Variants in ITPR1 observed in about 807,000 individuals in gnomAD.
ITPR1 encodes inositol 1,4,5-trisphosphate-gated calcium channel ITPR1.
Under a neutral mutation model 318.4 loss-of-function variants are expected in ITPR1, and 96 were observed. The observed-to-expected ratio is 0.30, with a 90% CI of 0.26 to 0.36. The LOEUF (loss-of-function observed/expected upper bound fraction) is 0.36, where lower values mean the gene tolerates loss of function less well. Ranked by LOEUF, ITPR1 falls within the 10% of genes least tolerant of loss-of-function variation. ITPR1 has a pLI of 1.00. For missense variants in ITPR1, 2,440 were observed against 3,460.2 expected (o/e 0.71, Z 7.40); for synonymous variants, 1,312 against 1,289.9 (o/e 1.02, Z -0.37).
At chr3:4,589,632 G>A (rs1397655392) in intron 4 of ITPR1, among the ~76,000 whole-genome samples, 1 of 152,114 alleles carries the variant, frequency 6.6e-6, no homozygotes, top group Non-Finnish European at 1.5e-5. Flanking sequence ...CATGGCTGGA[G>A]CTGGAGTGGT....
intron 44 of ITPR1, among the ~76,000 whole-genome samples, chr3:4,742,606 G>A (rs1384030918): frequency 1.3e-5 from 2 of 152,108 alleles, no homozygotes; most frequent in African/African-American, 4.8e-5. Context: ...TCAAGATGAT[G>A]TGGTTCTTAT....
chr3:4,622,787 G>A (rs1388738949), intron 4 of ITPR1, among the ~76,000 whole-genome samples: 1 of 152,212 alleles, frequency 6.6e-6, no homozygotes, highest in Non-Finnish European at 1.5e-5. Flanking sequence ...GACTTCAGTG[G>A]ACATATCTGC....
chr3:4,752,198 A>G (rs1392413831), intron 44 of ITPR1, among the ~76,000 whole-genome samples: 1 of 152,098 alleles, frequency 6.6e-6, no homozygotes, highest in Non-Finnish European at 1.5e-5. Flanking sequence ...CCCTCACCAT[A>G]TGGTATTTGA....
At position 4,550,547 on chromosome 3, in the gene ITPR1, A is replaced by G. The variant is rs111599487; in HGVS notation, c.163+29453A>G. On this transcript the variant is annotated intron_variant, in intron 4 of 61. Transcript: ENST00000649015. ...AAAAATAGAAATTCCCTGAGAGCATAATTAGGCCAGTTATCTCCAAGTTAG... is the reference window on the plus strand; with the variant it reads ...AAAAATAGAAATTCCCTGAGAGCATGATTAGGCCAGTTATCTCCAAGTTAG... Among the ~76,000 whole-genome samples, 612 of 152,348 alleles carry G rather than the reference A, an allele frequency of 4.0e-3. 5 individuals are homozygous for G. Among genetic ancestry groups the G allele is most frequent in the African/African-American group, 0.014 (580 of 41,576 alleles).
At chr3:4,799,115 C>A (rs2125421268) in intron 53 of ITPR1, among the ~76,000 whole-genome samples, 1 of 152,342 alleles carries the variant, frequency 6.6e-6, no homozygotes, top group African/African-American at 2.4e-5. Flanking sequence ...GGACCATCGA[C>A]TTCAGAGGCA....
intron 20 of ITPR1, 50 bp from the exon 21 acceptor site, chr3:4,673,086 C>G: frequency 6.4e-7 from 1 of 1,567,374 alleles, no homozygotes; most frequent in Non-Finnish European, 8.7e-7. Context: ...CTTCATTCAT[C>G]CTGAATGATT....
chr3:4,534,146 A>T (rs1295314561), intron 4 of ITPR1, among the ~76,000 whole-genome samples: 1 of 152,164 alleles, frequency 6.6e-6, no homozygotes, highest in African/African-American at 2.4e-5. Flanking sequence ...AGGGGATACA[A>T]GTGCAGTTTT....
intron 24 of ITPR1, among the ~76,000 whole-genome samples, chr3:4,679,212 T>G (rs1490683251): frequency 6.6e-6 from 1 of 152,166 alleles, no homozygotes; most frequent in Admixed American, 6.5e-5. Context: ...AGGCAGAAAG[T>G]AGATGAAGGC....
chr3:4,691,637 T>G (rs1202174283), intron 32 of ITPR1, among the ~76,000 whole-genome samples: 1 of 150,748 alleles, frequency 6.6e-6, no homozygotes, highest in Non-Finnish European at 1.5e-5. Context: ...GGAGATAAAA[T>G]GTAGTCAGGA....
At chr3:4,494,745 G>A (rs150693285) in intron 2 of ITPR1, among the ~76,000 whole-genome samples, 174 of 152,260 alleles carry the variant, frequency 1.1e-3, no homozygotes, top group African/African-American at 4.0e-3. Context: ...TGAGAGAGGA[G>A]GGGAAAAGGC....
rs758151415 is a variant in ITPR1, at chr3:4,706,162, T to G, written c.4658-5T>G. 1 of 1,614,036 alleles carries G rather than the reference T, an allele frequency of 6.2e-7. No homozygotes were observed. The highest frequency in any genetic ancestry group is 8.5e-7 in the Non-Finnish European group (1 of 1,179,872). On this transcript the variant is annotated splice_region_variant and splice_polypyrimidine_tract_variant and intron_variant, in intron 36 of 61. Coordinates refer to ENST00000649015, the MANE Select transcript of ITPR1 (RefSeq NM_001378452.1). ...AGGCTCACGACTCATCTTTCTCCTG[T>G]GCAGCCAAGAGCCGGGCCATTGCCA...
At chr3:4,603,402 A>ATTTTCTTTTC (rs140839540) in intron 4 of ITPR1, among the ~76,000 whole-genome samples, 1 of 151,424 alleles carries the variant, frequency 6.6e-6, no homozygotes, top group Non-Finnish European at 1.5e-5. Context: ...TATGTACCAC[A>ATTTTCTTTTC]TTTTCTTTTC....
At chr3:4,639,158 G>GA (rs2093276595) in intron 5 of ITPR1, among the ~76,000 whole-genome samples, 2 of 151,776 alleles carry the variant, frequency 1.3e-5, no homozygotes, top group South Asian at 2.1e-4. Context: ...CTTAAAGAAA[G>GA]AAAAAAAAGC....
chr3:4,763,789 C>G (rs1047958272), intron 44 of ITPR1, among the ~76,000 whole-genome samples: 1 of 152,264 alleles, frequency 6.6e-6, no homozygotes, highest in Non-Finnish European at 1.5e-5. Context: ...TACCCTGACC[C>G]TAGCGGTTGA....
At chr3:4,792,969 T>C (rs1054493261) in intron 52 of ITPR1, among the ~76,000 whole-genome samples, 1 of 151,964 alleles carries the variant, frequency 6.6e-6, no homozygotes, top group Non-Finnish European at 1.5e-5. Flanking sequence ...CACCACTAGA[T>C]TGGGATACAA....
intron 4 of ITPR1, among the ~76,000 whole-genome samples, chr3:4,584,696 A>AT (rs1397510566): frequency 6.6e-6 from 1 of 151,810 alleles, no homozygotes. Flanking sequence ...ACTCACTTTC[A>AT]TTTTCAAGAA....
At chr3:4,765,848 G>T (rs1282566436) in intron 44 of ITPR1, among the ~76,000 whole-genome samples, 1 of 152,154 alleles carries the variant, frequency 6.6e-6, no homozygotes, top group African/African-American at 2.4e-5. Flanking sequence ...TATCCAAGAG[G>T]AGAGCTACCT....
intron 12 of ITPR1, among the ~76,000 whole-genome samples, chr3:4,657,802 T>G (rs1208736689): frequency 6.6e-6 from 1 of 151,908 alleles, no homozygotes; most frequent in Non-Finnish European, 1.5e-5. Context: ...AGACGGGGTT[T>G]CATTATCTTG....
intron 4 of ITPR1, among the ~76,000 whole-genome samples, chr3:4,576,902 G>C (rs571657464): frequency 1.3e-5 from 2 of 152,298 alleles, no homozygotes; most frequent in African/African-American, 4.8e-5. Flanking sequence ...TTCCTGAAGG[G>C]TCATAAACAC....
Sources: allele counts gnomAD v4.1 joint callset (sites outside exome capture counted in the v4.1 genomes callset), GRCh38; gene constraint gnomAD v4.1.1; transcripts MANE v1.5; gene names NCBI Gene and HGNC (gene_info 2026-07-23, HGNC 2026-07-21).